PCDH9: variants seen among roughly 807,000 people sequenced by gnomAD.
PCDH9 encodes protocadherin-9.
Under a neutral mutation model 70.6 loss-of-function variants are expected in PCDH9, and 24 were observed. That is an observed-to-expected ratio of 0.34 (90% CI 0.25 to 0.48). The LOEUF is 0.48. Ranked by LOEUF, PCDH9 falls within the 20% of genes least tolerant of loss-of-function variation. PCDH9 has a pLI of 0.99. For synonymous variants in PCDH9, 562 were observed against 558.5 expected, an observed-to-expected ratio of 1.01 and a Z score of -0.09; for missense variants, 1,281 against 1,503.6, an observed-to-expected ratio of 0.85 and a Z score of 2.45.
chr13:66,702,937 T>A (rs1242860462), intron 3 of PCDH9, among the ~76,000 whole-genome samples: 1 of 152,136 alleles, frequency 6.6e-6, no homozygotes, highest in Non-Finnish European at 1.5e-5. Flanking sequence ...TAGAAATAAA[T>A]CAGTTTTGAA....
intron 4 of PCDH9, among the ~76,000 whole-genome samples, chr13:66,402,259 C>T (rs1190505737): frequency 6.6e-6 from 1 of 152,124 alleles, no homozygotes; most frequent in Non-Finnish European, 1.5e-5. Flanking sequence ...ACATCATTAA[C>T]TTGCCATTAA....
At chr13:67,101,470 T>C (rs555470872) in intron 2 of PCDH9, among the ~76,000 whole-genome samples, 12 of 152,358 alleles carry the variant, frequency 7.9e-5, no homozygotes, top group Middle Eastern at 3.4e-3. Context: ...TGAAGTAGGA[T>C]ATAAATTTCC....
At chr13:66,722,264 T>C (rs2078951014) in intron 3 of PCDH9, among the ~76,000 whole-genome samples, 1 of 152,180 alleles carries the variant, frequency 6.6e-6, no homozygotes, top group South Asian at 2.1e-4. Context: ...TCCTCTACAA[T>C]AATTGTATGG....
Position 66,313,902 on chromosome 13 carries a change from CT to C in PCDH9, c.3341-8875del, listed in dbSNP as rs771827507. 3.4e-4 allele frequency among the ~76,000 whole-genome samples: 51 copies of C among 152,228 alleles called. 2 individuals are homozygous for C. Among genetic ancestry groups the C allele is most frequent in the South Asian group, 8.3e-4 (4 of 4,816 alleles). On this transcript the variant is annotated intron_variant, in intron 4 of 4. Coordinates refer to ENST00000377865, the MANE Select transcript of PCDH9 (RefSeq NM_203487.3). ...ATTTAAAGACATAATAATTTATATA[CT>C]TTAAAAGATGTCTGAAAGATTATAT...
At chr13:66,998,917 A>G (rs563696810) in intron 2 of PCDH9, among the ~76,000 whole-genome samples, 1 of 152,376 alleles carries the variant, frequency 6.6e-6, no homozygotes, top group African/African-American at 2.4e-5. Context: ...AATTAAAAAA[A>G]TTAAATAAAG....
intron 2 of PCDH9, among the ~76,000 whole-genome samples, chr13:67,063,701 C>T (rs145639957): frequency 6.6e-6 from 1 of 152,084 alleles, no homozygotes; most frequent in South Asian, 2.1e-4. Context: ...TGATTTTATA[C>T]TTTATATAAC....
chr13:66,334,102 G>A (rs973157239), intron 4 of PCDH9, among the ~76,000 whole-genome samples: 5 of 151,864 alleles, frequency 3.3e-5, no homozygotes, highest in African/African-American at 4.8e-5. Flanking sequence ...AACTACAGTC[G>A]CTCTACTGTG....
Position 66,869,759 on chromosome 13 carries a change from C to T in PCDH9, c.3138+33745G>A, listed in dbSNP as rs888938498. ...AACCTCGTCAACAGCACCACGTCAA[C>T]CCCCAGCACACAAACATATACACAC... On this transcript the variant is annotated intron_variant, in intron 3 of 4. Transcript: ENST00000377865. Among the ~76,000 whole-genome samples, 54 of 152,104 alleles carry T rather than the reference C, an allele frequency of 3.6e-4. 1 individual carries two copies. The highest frequency in any genetic ancestry group is 1.3e-3 in the African/African-American group (52 of 41,444).
intron 2 of PCDH9, among the ~76,000 whole-genome samples, chr13:67,023,198 A>C (rs990135923): frequency 6.6e-6 from 1 of 151,952 alleles, no homozygotes; most frequent in African/African-American, 2.4e-5. Flanking sequence ...TTCTTTTAGA[A>C]GAATATTTGT....
intron 4 of PCDH9, among the ~76,000 whole-genome samples, chr13:66,616,074 T>A (rs1765361015): frequency 6.6e-6 from 1 of 152,200 alleles, no homozygotes; most frequent in South Asian, 2.1e-4. Context: ...GAAACAGGCC[T>A]CATACCCTTG....
chr13:67,205,572 T>A (rs186841475), intron 2 of PCDH9: 2 of 152,318 alleles, frequency 1.3e-5, no homozygotes, highest in African/African-American at 4.8e-5. Flanking sequence ...ATCTTTTTTA[T>A]TTTCTAGGGA....
At chr13:67,174,755 G>A (rs1017047126) in intron 2 of PCDH9, among the ~76,000 whole-genome samples, 5 of 152,114 alleles carry the variant, frequency 3.3e-5, no homozygotes, top group African/African-American at 9.7e-5. Flanking sequence ...AATGCTAAAT[G>A]TTCTTTCATA....
intron 4 of PCDH9, among the ~76,000 whole-genome samples, chr13:66,527,160 A>T (rs1566392828): frequency 6.6e-6 from 1 of 152,130 alleles, no homozygotes; most frequent in Non-Finnish European, 1.5e-5. Context: ...GATTATATAA[A>T]ACTTATGTTT....
intron 3 of PCDH9, among the ~76,000 whole-genome samples, chr13:66,810,250 AGT>A (rs2080480509): frequency 6.6e-6 from 1 of 152,062 alleles, no homozygotes; most frequent in Non-Finnish European, 1.5e-5. Flanking sequence ...TTGAAAGCAG[AGT>A]GTTAGTATAA....
chr13:66,785,060 C>G (rs1168238021), intron 3 of PCDH9, among the ~76,000 whole-genome samples: 1 of 152,118 alleles, frequency 6.6e-6, no homozygotes, highest in East Asian at 1.9e-4. Flanking sequence ...TATTGTATTT[C>G]TTTCTTAAAA....
chr13:66,497,814 C>CTTTTTTTTTTTTT (rs763360211), intron 4 of PCDH9, among the ~76,000 whole-genome samples: 1 of 111,334 alleles, frequency 9.0e-6, no homozygotes. Flanking sequence ...CACACTCTTA[C>CTTTTTTTTTTTTT]TTTTTTTTTT....
At chr13:66,588,833 A>G (rs1298443014) in intron 4 of PCDH9, among the ~76,000 whole-genome samples, 1 of 151,846 alleles carries the variant, frequency 6.6e-6, no homozygotes, top group Non-Finnish European at 1.5e-5. Context: ...AAAAAAAAAA[A>G]CTACAGATAA....
intron 3 of PCDH9, among the ~76,000 whole-genome samples, chr13:66,640,182 G>T (rs917458722): frequency 6.6e-6 from 1 of 152,040 alleles, no homozygotes. Flanking sequence ...ACAACATACG[G>T]TTTTAGAAAA....
intron 4 of PCDH9, among the ~76,000 whole-genome samples, chr13:66,620,510 C>T (rs2077409277): frequency 6.6e-6 from 1 of 152,088 alleles, no homozygotes; most frequent in African/African-American, 2.4e-5. Context: ...GACTTTACTT[C>T]AGTAAGATCT....
Sources: gnomAD v4.1 joint callset for allele counts (sites outside exome capture counted in the v4.1 genomes callset) on GRCh38, gnomAD v4.1.1 for gene constraint, MANE v1.5 for transcripts, NCBI Gene and HGNC (gene_info 2026-07-23, HGNC 2026-07-21) for gene names.